COL24A1: variants seen among roughly 807,000 people sequenced by gnomAD.
The protein encoded by COL24A1 is collagen alpha-1(XXIV) chain.
Under a neutral mutation model 253.9 loss-of-function variants are expected in COL24A1, and 224 were observed. That is an observed-to-expected ratio of 0.88 (90% CI 0.79 to 0.99). The LOEUF (loss-of-function observed/expected upper bound fraction) is 0.99, where lower values mean the gene tolerates loss of function less well. Ranked by LOEUF, COL24A1 falls within the 50% of genes least tolerant of loss-of-function variation. COL24A1 has a pLI of 0.00. For missense variants in COL24A1, 2,131 were observed against 2,068.5 expected, an observed-to-expected ratio of 1.03 and a Z score of -0.59; for synonymous variants, 685 against 673.7, an observed-to-expected ratio of 1.02 and a Z score of -0.26.
chr1:85,983,330 G>A (rs1693423896), intron 20 of COL24A1, among the ~76,000 whole-genome samples: 1 of 151,946 alleles, frequency 6.6e-6, no homozygotes, highest in Non-Finnish European at 1.5e-5. Context: ...CCCAAACTGT[G>A]TAGTTCTCAA....
chr1:86,053,531 T>C (rs1161249712), intron 10 of COL24A1, among the ~76,000 whole-genome samples: 1 of 152,020 alleles, frequency 6.6e-6, no homozygotes, highest in Non-Finnish European at 1.5e-5. Flanking sequence ...AAACTAGAGT[T>C]TACCGTGTAA....
intron 5 of COL24A1, among the ~76,000 whole-genome samples, chr1:86,096,135 A>C (rs560491825): frequency 6.6e-6 from 1 of 152,320 alleles, no homozygotes; most frequent in Admixed American, 6.5e-5. Flanking sequence ...ATGGATTATA[A>C]AGGTATTAGT....
intron 3 of COL24A1, among the ~76,000 whole-genome samples, chr1:86,118,597 T>C (rs776073837): frequency 1.3e-5 from 2 of 152,256 alleles, no homozygotes; most frequent in South Asian, 2.1e-4. Context: ...CTCCTGGAGT[T>C]TGCAGTCTAG....
intron 19 of COL24A1, among the ~76,000 whole-genome samples, chr1:85,996,903 G>A (rs964076064): frequency 6.6e-6 from 1 of 151,718 alleles, no homozygotes; most frequent in African/African-American, 2.4e-5. Flanking sequence ...GAACTGGCAT[G>A]TCTCAATTAC....
At chr1:86,103,708 C>T (rs1021630365) in intron 5 of COL24A1, among the ~76,000 whole-genome samples, 4 of 152,132 alleles carry the variant, frequency 2.6e-5, no homozygotes, top group Non-Finnish European at 5.9e-5. Flanking sequence ...GAATATTGGC[C>T]CCCAGTCTCT....
At chr1:85,777,796 A>T (rs1459429912) in intron 52 of COL24A1, among the ~76,000 whole-genome samples, 1 of 152,106 alleles carries the variant, frequency 6.6e-6, no homozygotes, top group African/African-American at 2.4e-5. Context: ...TTTCTCCTAT[A>T]TTCCCTTCTG....
chr1:85,947,386 T>A (rs138724387), intron 24 of COL24A1, among the ~76,000 whole-genome samples: 9 of 152,304 alleles, frequency 5.9e-5, no homozygotes, highest in Admixed American at 5.9e-4. Context: ...TGCAGGTTAG[T>A]TATAGGTGAC....
At chr1:85,830,974 C>T (rs910941113) in intron 43 of COL24A1, among the ~76,000 whole-genome samples, 2 of 152,090 alleles carry the variant, frequency 1.3e-5, no homozygotes, top group African/African-American at 2.4e-5. Context: ...ACAGCAAAGT[C>T]AGTTGAAGGC....
chr1:85,868,865 G>A, intron 35 of COL24A1, 30 bp from the exon 36 acceptor site: 2 of 1,467,082 alleles, frequency 1.4e-6, no homozygotes, highest in South Asian at 1.3e-5. Context: ...GTATGATTGA[G>A]TTTTTTTTTG....
chr1:85,759,843 AT>A (rs1666658365), intron 55 of COL24A1, among the ~76,000 whole-genome samples: 1 of 152,122 alleles, frequency 6.6e-6, no homozygotes, highest in South Asian at 2.1e-4. Context: ...AAATGTGAAA[AT>A]TTTCACTAAA....
intron 43 of COL24A1, among the ~76,000 whole-genome samples, chr1:85,830,010 A>G (rs1177636065): frequency 6.6e-6 from 1 of 151,870 alleles, no homozygotes; most frequent in East Asian, 1.9e-4. Flanking sequence ...TACTTTTCAG[A>G]GTTTCCAGTT....
intron 24 of COL24A1, among the ~76,000 whole-genome samples, chr1:85,939,023 C>T (rs1688490594): frequency 6.6e-6 from 1 of 151,848 alleles, no homozygotes; most frequent in Non-Finnish European, 1.5e-5. Context: ...GAAATGCCAT[C>T]TCAGCAGTTT....
chr1:86,121,243 A>T (rs1647302243), intron 3 of COL24A1, among the ~76,000 whole-genome samples: 1 of 152,166 alleles, frequency 6.6e-6, no homozygotes, highest in African/African-American at 2.4e-5. Context: ...ATACATATGT[A>T]ACAAACCTGC....
At chr1:86,012,732 C>CCT (rs1292599646) in intron 19 of COL24A1, among the ~76,000 whole-genome samples, 1 of 152,178 alleles carries the variant, frequency 6.6e-6, no homozygotes, top group Non-Finnish European at 1.5e-5. Context: ...CTATTTAAAG[C>CCT]CTCTCATGGC....
chr1:85,994,963 G>A (rs1384049180), intron 19 of COL24A1, among the ~76,000 whole-genome samples: 1 of 152,108 alleles, frequency 6.6e-6, no homozygotes, highest in East Asian at 1.9e-4. Flanking sequence ...AGTGACTACT[G>A]CTATTCATAT....
rs79579828 is a variant in COL24A1, at chr1:85,974,281, T to C, written c.2365-2888A>G. ...TCCTCAAATGGGAATTTACATAGTTTACAGGCGCACCTGGAGTATTTGTGC... is the reference window on the plus strand; with the variant it reads ...TCCTCAAATGGGAATTTACATAGTTCACAGGCGCACCTGGAGTATTTGTGC... On this transcript the variant is annotated intron_variant, in intron 20 of 59. Transcript: ENST00000370571. 1.7e-4 allele frequency among the ~76,000 whole-genome samples: 26 copies of C among 152,260 alleles called. 1 individual carries two copies. In the East Asian group the frequency reaches 5.0e-3, roughly 29 times the overall value.
Position 86,125,920 on chromosome 1 carries a change from G to A in COL24A1, c.416C>T (p.Pro139Leu). The A allele has an allele frequency of 1.2e-6, 2 of 1,612,940 alleles. No homozygotes were observed. The highest frequency in any genetic ancestry group is 8.5e-7 in the Non-Finnish European group (1 of 1,179,466). Residue 139 changes from proline to leucine, a missense_variant, in exon 3 of 60, where the codon CCT becomes CTT. Pro to Leu is a moderately conservative substitution (Grantham distance 98, BLOSUM62 -3). Coordinates refer to ENST00000370571, the MANE Select transcript of COL24A1 (RefSeq NM_152890.7). ...TCTAATGTGTACTACTAATTTTTTA[G>A]GTAGTAATTGTACTCCTAATTGCAG... The part of the protein sequence containing the change: ...NRLQLGVQLL[P>L]KKLVVHIRGK...
chr1:86,088,186 G>A (rs1346712286), intron 7 of COL24A1, among the ~76,000 whole-genome samples: 3 of 152,130 alleles, frequency 2.0e-5, no homozygotes, highest in Non-Finnish European at 4.4e-5. Flanking sequence ...GGTAACTGAA[G>A]CTTAGAAGTT....
At chr1:85,963,921 A>G (rs1691316056) in intron 23 of COL24A1, among the ~76,000 whole-genome samples, 1 of 151,384 alleles carries the variant, frequency 6.6e-6, no homozygotes, top group African/African-American at 2.4e-5. Flanking sequence ...TTTGTTTGTA[A>G]ATACTACAAT....
Sources: gnomAD v4.1 joint callset for allele counts (sites outside exome capture counted in the v4.1 genomes callset) on GRCh38, gnomAD v4.1.1 for gene constraint, MANE v1.5 for transcripts, NCBI Gene and HGNC (gene_info 2026-07-23, HGNC 2026-07-21) for gene names.